The following ATP6V1A variants were observed in gnomAD, a reference collection of about 807,000 sequenced individuals.
ATP6V1A encodes ATPase H+ transporting V1 subunit A.
ATP6V1A carries 18 observed loss-of-function variants against 70.1 expected under a neutral mutation model. That is an observed-to-expected ratio of 0.26 (90% CI 0.18 to 0.38). The LOEUF (loss-of-function observed/expected upper bound fraction) is 0.38, where lower values mean the gene tolerates loss of function less well. ATP6V1A is among the 10% of genes least tolerant of loss of function. The pLI, the probability that ATP6V1A is intolerant of heterozygous loss-of-function variation, is 1.00. For synonymous variants in ATP6V1A, 232 were observed against 253.8 expected (o/e 0.91, Z 0.82); for missense variants, 424 against 772.4 (o/e 0.55, Z 5.35).
chr3:113,805,328 A>AT, intron 13 of ATP6V1A, 26 bp from the exon 14 acceptor site: 3 of 1,607,118 alleles, frequency 1.9e-6, no homozygotes, highest in Non-Finnish European at 1.7e-6. Context: ...ATTTTTGTTA[A>AT]TTTTTTGGAC....
At chr3:113,773,569 A>C (rs958325566) in intron 1 of ATP6V1A, among the ~76,000 whole-genome samples, 2 of 152,212 alleles carry the variant, frequency 1.3e-5, no homozygotes, top group African/African-American at 2.4e-5. Context: ...ATCATTGCTC[A>C]TACATTTGGA....
chr3:113,752,819 C>T (rs1188957898), intron 1 of ATP6V1A, among the ~76,000 whole-genome samples: 2 of 151,960 alleles, frequency 1.3e-5, no homozygotes, highest in Non-Finnish European at 2.9e-5. Context: ...TATAATTGAT[C>T]CAATACATTG....
chr3:113,754,207 G>C (rs1039273980), intron 1 of ATP6V1A, among the ~76,000 whole-genome samples: 1 of 152,202 alleles, frequency 6.6e-6, no homozygotes, highest in East Asian at 1.9e-4. Context: ...TATTTTTACA[G>C]TGGACATGAA....
In ATP6V1A at chr3:113,769,950, A is replaced by G. The variant is rs1708816221; in HGVS notation, c.-13-8791A>G. On this transcript the variant is annotated intron_variant, in intron 1 of 14. Coordinates refer to ENST00000273398, the MANE Select transcript of ATP6V1A (RefSeq NM_001690.4). ...CAGCTAAAGGCAACATTTTTATATAATCATTGATTTGATTTTTCTATGAGT... is the reference window on the plus strand; with the variant it reads ...CAGCTAAAGGCAACATTTTTATATAGTCATTGATTTGATTTTTCTATGAGT... 2.6e-5 allele frequency among the ~76,000 whole-genome samples: 4 copies of G among 152,162 alleles called. No individual in the cohort carries two copies. In the South Asian group the frequency reaches 8.3e-4, roughly 32 times the overall value.
intron 8 of ATP6V1A, among the ~76,000 whole-genome samples, chr3:113,793,518 T>C (rs1385583935): frequency 6.6e-6 from 1 of 152,230 alleles, no homozygotes; most frequent in Non-Finnish European, 1.5e-5. Flanking sequence ...TACTCATATG[T>C]ATCTGTCTTT....
intron 7 of ATP6V1A, among the ~76,000 whole-genome samples, chr3:113,789,101 G>A (rs1301854778): frequency 1.3e-5 from 2 of 152,144 alleles, no homozygotes; most frequent in Admixed American, 1.3e-4. Flanking sequence ...AGGCTGGAGT[G>A]CAGTGACACC....
chr3:113,783,587 CAG>C (rs1413380347), intron 3 of ATP6V1A, among the ~76,000 whole-genome samples: 1 of 152,148 alleles, frequency 6.6e-6, no homozygotes, highest in Non-Finnish European at 1.5e-5. Context: ...CCAAACTTTG[CAG>C]AGTCATTCTG....
At chr3:113,807,561 A>G (rs1709290234) in intron 14 of ATP6V1A, among the ~76,000 whole-genome samples, 1 of 152,188 alleles carries the variant, frequency 6.6e-6, no homozygotes, top group Non-Finnish European at 1.5e-5. Context: ...TTATGAAGGC[A>G]TTACCATTTT....
At chr3:113,795,779 G>T in intron 10 of ATP6V1A, 97 bp from the exon 11 acceptor site, 5 of 910,122 alleles carry the variant, frequency 5.5e-6, no homozygotes, top group South Asian at 1.7e-5. Flanking sequence ...CATTAAAATC[G>T]ACTTTAAAAA....
At chr3:113,796,958 G>A (rs1709158119) in intron 11 of ATP6V1A, among the ~76,000 whole-genome samples, 1 of 152,124 alleles carries the variant, frequency 6.6e-6, no homozygotes, top group African/African-American at 2.4e-5. Context: ...GTTTTGATAC[G>A]GAGTTTCACT....
chr3:113,754,474 C>T (rs1708625150), intron 1 of ATP6V1A, among the ~76,000 whole-genome samples: 1 of 151,858 alleles, frequency 6.6e-6, no homozygotes. Context: ...TTCAAGGTTT[C>T]AGTGAACTGC....
At chr3:113,759,799 T>TC (rs1708682076) in intron 1 of ATP6V1A, among the ~76,000 whole-genome samples, 1 of 152,124 alleles carries the variant, frequency 6.6e-6, no homozygotes, top group Admixed American at 6.5e-5. Flanking sequence ...AGTTTCTATT[T>TC]CCCCCCACAC....
chr3:113,769,955 T>A (rs1191803887), intron 1 of ATP6V1A, among the ~76,000 whole-genome samples: 1 of 152,210 alleles, frequency 6.6e-6, no homozygotes, highest in Non-Finnish European at 1.5e-5. Context: ...ATATAATCAT[T>A]GATTTGATTT....
intron 14 of ATP6V1A, among the ~76,000 whole-genome samples, chr3:113,808,832 T>C (rs1049515209): frequency 6.6e-6 from 1 of 152,178 alleles, no homozygotes; most frequent in Non-Finnish European, 1.5e-5. Flanking sequence ...AATTAAAATT[T>C]TGTTTTCTTT....
intron 1 of ATP6V1A, among the ~76,000 whole-genome samples, chr3:113,758,960 A>G (rs935959947): frequency 2.6e-5 from 4 of 152,188 alleles, no homozygotes; most frequent in African/African-American, 7.2e-5. Context: ...TTTGCCATCT[A>G]TCTTCCTTGG....
intron 2 of ATP6V1A, among the ~76,000 whole-genome samples, chr3:113,779,409 G>T (rs962855491): frequency 1.3e-5 from 2 of 152,130 alleles, no homozygotes; most frequent in African/African-American, 2.4e-5. Flanking sequence ...TAAATCTTAC[G>T]CCAGTATTTG....
In ATP6V1A at chr3:113,805,393, C is replaced by T; in HGVS notation, c.1629C>T (p.Asn543=). ...PFYKTVGMLS[N]MIAFYDMARR... is the part of the protein sequence containing the mutation. ...ACAAGACAGTAGGGATGCTGTCCAACATGATTGCATTTTATGATATGGCTC... is the reference window on the plus strand; with the variant it reads ...ACAAGACAGTAGGGATGCTGTCCAATATGATTGCATTTTATGATATGGCTC... The change falls in exon 14 of 15, where the codon AAC becomes AAT. Residue 543 remains asparagine, a synonymous_variant. Coordinates refer to ENST00000273398, the MANE Select transcript of ATP6V1A (RefSeq NM_001690.4). 2 of 1,614,106 alleles carry T rather than the reference C, an allele frequency of 1.2e-6. No homozygotes were observed. Among genetic ancestry groups the T allele is most frequent in the Non-Finnish European group, 1.7e-6 (2 of 1,179,982 alleles).
At position 113,778,730 on chromosome 3, in the gene ATP6V1A, A is replaced by G. The variant is rs758692434; in HGVS notation, c.-13-11A>G. Reference sequence around the variant, plus strand: ...ATAATTATAACTTATTTATTTATTTATTTACTATAGGTAAACTAACATTAT... The same window carrying G: ...ATAATTATAACTTATTTATTTATTTGTTTACTATAGGTAAACTAACATTAT... On this transcript the variant is annotated splice_polypyrimidine_tract_variant and intron_variant, in intron 1 of 14. Transcript: ENST00000273398. 1 of 1,461,232 alleles carries G rather than the reference A, an allele frequency of 6.8e-7. No homozygotes were observed. Among genetic ancestry groups the G allele is most frequent in the South Asian group, 1.3e-5 (1 of 75,270 alleles). The allele number at this position is 1,461,232 out of a possible 1,614,324, so 90.5% of individuals were successfully genotyped here.
chr3:113,754,109 G>C (rs1029036397), intron 1 of ATP6V1A, among the ~76,000 whole-genome samples: 1 of 152,146 alleles, frequency 6.6e-6, no homozygotes, highest in Non-Finnish European at 1.5e-5. Flanking sequence ...CTACATGTTT[G>C]TACATGTCTG....
Sources: gnomAD v4.1 joint callset for allele counts (sites outside exome capture counted in the v4.1 genomes callset) on GRCh38, gnomAD v4.1.1 for gene constraint, MANE v1.5 for transcripts, NCBI Gene and HGNC (gene_info 2026-07-23, HGNC 2026-07-21) for gene names.